DNAAF9: variants seen among roughly 807,000 people sequenced by gnomAD.
The protein encoded by DNAAF9 is dynein axonemal assembly factor 9.
DNAAF9 carries 90 observed loss-of-function variants against 167.0 expected under a neutral mutation model. The observed-to-expected ratio is 0.54, with a 90% CI of 0.45 to 0.64. The LOEUF is 0.64. DNAAF9 is among the 30% of genes least tolerant of loss of function. The pLI, the probability that DNAAF9 is intolerant of heterozygous loss-of-function variation, is 0.00. For missense variants in DNAAF9, 1,315 were observed against 1,442.2 expected, an observed-to-expected ratio of 0.91 and a Z score of 1.43; for synonymous variants, 491 against 508.8, an observed-to-expected ratio of 0.96 and a Z score of 0.47.
rs2083555568 is a variant in DNAAF9 at position 3,374,929 on chromosome 20, G to A, written c.505+101C>T. ...ATGTCTTTGGTAAAAATAGACGAAG[G>A]GGTTTCTCAGCTGAATGCCCCCAAT... On this transcript the variant is annotated intron_variant, in intron 5 of 36. Transcript: ENST00000252032. The A allele has an allele frequency of 7.5e-6, 5 of 667,990 alleles. No homozygotes were observed. In the South Asian group the frequency reaches 7.9e-5, roughly 10 times the overall value. The allele number at this position is 667,990 out of a possible 1,614,324, so 41.4% of individuals were successfully genotyped here. A position where few individuals can be genotyped will look rare whatever the true frequency, so the allele number is the denominator to read the frequency against.
In DNAAF9 at chr20:3,262,226, T is replaced by C. The variant is rs1600663480; in HGVS notation, c.2874-2198A>G. On this transcript the variant is annotated intron_variant, in intron 31 of 36. Coordinates refer to ENST00000252032, the MANE Select transcript of DNAAF9 (RefSeq NM_001009984.3). ...GATTCTCTATAAGGACTGATCTTCC[T>C]GATGAGGAAAAAGTTCACATTCTTT... Among the ~76,000 whole-genome samples the C allele has an allele frequency of 3.3e-5, 5 of 151,680 alleles. No individual in the cohort carries two copies. In the South Asian group the frequency reaches 1.0e-3, roughly 32 times the overall value.
rs1057100870 is a variant in DNAAF9 at position 3,359,511 on chromosome 20, C to T, written c.690+5G>A. 6.2e-7 allele frequency: 1 copy of T among 1,600,108 alleles called. No individual in the cohort carries two copies. The highest frequency in any genetic ancestry group is 1.3e-5 in the African/African-American group (1 of 74,638). On this transcript the variant is annotated splice_donor_5th_base_variant and intron_variant, in intron 7 of 36. Transcript: ENST00000252032. ...ATATTTAAAAGTTACTGTTTGGCTC[C>T]TTACATCTGAAAGCAAACTCTCCAG...
At chr20:3,361,673 G>A (rs1600857296) in intron 6 of DNAAF9, among the ~76,000 whole-genome samples, 1 of 152,192 alleles carries the variant, frequency 6.6e-6, no homozygotes, top group Admixed American at 6.5e-5. Context: ...CACTTGACAG[G>A]ATGATTTGTT....
rs139603008 is a variant in DNAAF9 at position 3,407,112 on chromosome 20, T to A, written c.83+363A>T. Among the ~76,000 whole-genome samples, 381 of 152,204 alleles carry A rather than the reference T, an allele frequency of 2.5e-3. 1 individual carries two copies. The highest frequency in any genetic ancestry group is 8.8e-3 in the African/African-American group (367 of 41,514). ...CGAGTGAGTTATTCATAGGGAAGCC[T>A]CTGTGGGGTTCTGTGTAGAAGAATC... On this transcript the variant is annotated intron_variant, in intron 1 of 36. Transcript: ENST00000252032.
At chr20:3,394,526 T>C (rs1045794734) in intron 1 of DNAAF9, among the ~76,000 whole-genome samples, 3 of 152,178 alleles carry the variant, frequency 2.0e-5, no homozygotes, top group African/African-American at 7.2e-5. Flanking sequence ...GTCAGTATTA[T>C]AAACAAAATA....
chr20:3,268,965 G>A (rs1437786692), intron 30 of DNAAF9, among the ~76,000 whole-genome samples: 2 of 142,364 alleles, frequency 1.4e-5, no homozygotes, highest in Non-Finnish European at 3.0e-5. Context: ...GTGCAGTGGT[G>A]CGGTCTTGGC....
At chr20:3,401,927 AGGGACGCCAGCAC>A (rs2083992593) in intron 1 of DNAAF9, among the ~76,000 whole-genome samples, 1 of 152,208 alleles carries the variant, frequency 6.6e-6, no homozygotes, top group African/African-American at 2.4e-5. Flanking sequence ...AGATGGTAGA[AGGGACGCCAGCAC>A]GGGAAATCCT....
chr20:3,392,671 C>T (rs2083842998), intron 1 of DNAAF9, among the ~76,000 whole-genome samples: 1 of 152,190 alleles, frequency 6.6e-6, no homozygotes, highest in Admixed American at 6.5e-5. Flanking sequence ...TTTATAACAA[C>T]TGTGCATGAA....
intron 23 of DNAAF9, chr20:3,296,416 C>T (rs1379670366): frequency 9.3e-6 from 3 of 320,938 alleles, no homozygotes. Flanking sequence ...CTTGTTTCAT[C>T]ACTCAGGCTG....
Position 3,381,463 on chromosome 20 carries a change from G to A in DNAAF9, c.199C>T (p.Leu67=), listed in dbSNP as rs767937714. The change falls in exon 3 of 37, where the codon CTG becomes TTG. Residue 67 remains leucine, a synonymous_variant. Transcript: ENST00000252032. ...DSRYNEGCRE[L]ANYLLFGLYN... is the part of the protein sequence containing the mutation. The stretch of plus-strand genomic sequence containing the variant: ...AAACCAAATAGAAGATAATTTGCCA[G>A]CTCTCTGCAGCCTTCATTGTACCTG... 1.2e-6 allele frequency: 2 copies of A among 1,613,500 alleles called. No individual in the cohort carries two copies. The highest frequency in any genetic ancestry group is 2.2e-5 in the East Asian group (1 of 44,878).
chr20:3,318,545 A>T (rs1319412957), intron 16 of DNAAF9, 145 bp from the exon 17 acceptor site: 3 of 562,548 alleles, frequency 5.3e-6, no homozygotes, highest in African/African-American at 1.9e-5. Flanking sequence ...GTTATCCTAA[A>T]TACATCTTTG....
chr20:3,274,721 C>A (rs949450058), intron 29 of DNAAF9, among the ~76,000 whole-genome samples: 22 of 152,288 alleles, frequency 1.4e-4, no homozygotes, highest in African/African-American at 5.3e-4. Context: ...TCATTTCCAC[C>A]ACTACCACCA....
At chr20:3,326,398 A>C in intron 12 of DNAAF9, 114 bp from the exon 13 acceptor site, 2 of 713,758 alleles carry the variant, frequency 2.8e-6, no homozygotes, top group South Asian at 3.5e-5. Flanking sequence ...GAATGAAAAA[A>C]GGCAAAAATA....
Position 3,251,417 on chromosome 20 carries a change from C to A in DNAAF9, c.*1155G>T, listed in dbSNP as rs2068192608. 6.6e-6 allele frequency: 1 copy of A among 152,178 alleles called. No homozygotes were observed. Among genetic ancestry groups the A allele is most frequent in the Non-Finnish European group, 1.5e-5 (1 of 68,046 alleles). The allele number at this position is 152,178 out of a possible 1,614,324, so 9.4% of individuals were successfully genotyped here. ...GGCACTGAAGTCCTAAGAGACATCA[C>A]CTAAATATCAGTGGCTGTGACTCCC... On this transcript the variant is annotated 3_prime_UTR_variant, in exon 37 of 37. Transcript: ENST00000252032.
intron 9 of DNAAF9, among the ~76,000 whole-genome samples, chr20:3,343,184 CAG>C (rs1183410969): frequency 6.6e-6 from 1 of 152,094 alleles, no homozygotes; most frequent in African/African-American, 2.4e-5. Flanking sequence ...TATTTAGAAA[CAG>C]AGTTTCACTC....
At chr20:3,330,984 G>C (rs1365288710) in intron 11 of DNAAF9, among the ~76,000 whole-genome samples, 1 of 151,980 alleles carries the variant, frequency 6.6e-6, no homozygotes, top group Non-Finnish European at 1.5e-5. Context: ...TAGAGATGGG[G>C]TTTTGCCATG....
chr20:3,330,256 C>CA (rs2069796858), intron 12 of DNAAF9, among the ~76,000 whole-genome samples: 1 of 148,790 alleles, frequency 6.7e-6, no homozygotes. Context: ...TCTTCTTCTT[C>CA]TTTTTTTTTT....
intron 7 of DNAAF9, among the ~76,000 whole-genome samples, chr20:3,348,938 G>A (rs1018098492): frequency 6.6e-6 from 1 of 152,160 alleles, no homozygotes; most frequent in African/African-American, 2.4e-5. Context: ...CTGACTGCAA[G>A]TGGGCACAAG....
At chr20:3,323,274 C>CTTTTTTTTT (rs71195835) in intron 14 of DNAAF9, among the ~76,000 whole-genome samples, 1 of 69,084 alleles carries the variant, frequency 1.4e-5, no homozygotes, top group Non-Finnish European at 2.5e-5. Context: ...GTGAAGTAAT[C>CTTTTTTTTT]TTTTTTTTTT....
Sources: allele counts gnomAD v4.1 joint callset (sites outside exome capture counted in the v4.1 genomes callset), GRCh38; gene constraint gnomAD v4.1.1; transcripts MANE v1.5; gene names NCBI Gene and HGNC (gene_info 2026-07-23, HGNC 2026-07-21).